KRT80: variants seen among roughly 807,000 people sequenced by gnomAD.
KRT80 encodes the protein keratin, type II cytoskeletal 80.
In KRT80, 36 loss-of-function variants were observed where a neutral mutation model predicts 51.5. The ratio of observed to expected loss-of-function variants is 0.70; its 90% CI spans 0.54 to 0.92. The LOEUF is 0.92. KRT80 is among the 40% of genes least tolerant of loss of function. The pLI is 0.00. For missense variants in KRT80, 566 were observed against 591.7 expected, an observed-to-expected ratio of 0.96 and a Z score of 0.45; for synonymous variants, 235 against 248.3, an observed-to-expected ratio of 0.95 and a Z score of 0.50.
At position 52,170,986 on chromosome 12, in the gene KRT80, G is replaced by T; in HGVS notation, c.*412C>A. ...ATGAGCCAGTCCCAGTCCCAGTTCC[G>T]AGGCAGAGACAAGGCAAGGCTTGAG... On this transcript the variant is annotated 3_prime_UTR_variant, in exon 9 of 9. Transcript: ENST00000394815. 1 of 165,010 alleles carries T rather than the reference G, an allele frequency of 6.1e-6. No individual in the cohort carries two copies. The highest frequency in any genetic ancestry group is 1.6e-4 in the South Asian group (1 of 6,080). 10.2% of individuals were successfully genotyped at this position (165,010 alleles called of 1,614,324 possible).
chr12:52,190,579 G>A (rs990574559), intron 1 of KRT80, among the ~76,000 whole-genome samples: 1 of 152,236 alleles, frequency 6.6e-6, no homozygotes, highest in African/African-American at 2.4e-5. Flanking sequence ...GGGGCTGAAG[G>A]CTGGACCTCT....
chr12:52,181,346 C>T lies in KRT80; in HGVS notation c.510-383G>A, dbSNP rs114792071. On this transcript the variant is annotated intron_variant, in intron 2 of 8. Coordinates refer to ENST00000394815, the MANE Select transcript of KRT80 (RefSeq NM_182507.3). ...TGGCAATCTCAGGTTCACTCAAGTC[C>T]GCTGGGAGCATCTTGCTCACACCTC... Among the ~76,000 whole-genome samples the T allele has an allele frequency of 3.1e-3, 477 of 152,272 alleles. 3 individuals are homozygous for T. Among genetic ancestry groups the T allele is most frequent in the African/African-American group, 0.011 (447 of 41,542 alleles).
At chr12:52,187,476 G>A (rs1941423890) in intron 1 of KRT80, among the ~76,000 whole-genome samples, 1 of 152,192 alleles carries the variant, frequency 6.6e-6, no homozygotes, top group Non-Finnish European at 1.5e-5. Flanking sequence ...GCTCCCGAAC[G>A]GTCAGGTGGG....
chr12:52,172,748 G>A (rs550500938), intron 6 of KRT80, among the ~76,000 whole-genome samples: 20 of 152,290 alleles, frequency 1.3e-4, no homozygotes, highest in Non-Finnish European at 2.1e-4. Flanking sequence ...TGTAGTTGGT[G>A]GGGGTTCCCA....
chr12:52,169,246 A>G lies in KRT80; in HGVS notation c.*2152T>C, dbSNP rs1421377262. On this transcript the variant is annotated 3_prime_UTR_variant, in exon 9 of 9. Coordinates refer to ENST00000394815, the MANE Select transcript of KRT80 (RefSeq NM_182507.3). ...AGGAGATGGTGCTGAGCCATTCATGAAGGATCCTCTCTCATGATCCAAATA... is the reference window on the plus strand; with the variant it reads ...AGGAGATGGTGCTGAGCCATTCATGGAGGATCCTCTCTCATGATCCAAATA... The G allele has an allele frequency of 6.6e-6, 1 of 152,198 alleles. No individual in the cohort carries two copies. The highest frequency in any genetic ancestry group is 2.4e-5 in the African/African-American group (1 of 41,452). The allele number at this position is 152,198 out of a possible 1,614,324, so 9.4% of individuals were successfully genotyped here.
At chr12:52,181,239 A>G (rs1283799111) in intron 2 of KRT80, among the ~76,000 whole-genome samples, 1 of 147,878 alleles carries the variant, frequency 6.8e-6, no homozygotes, top group Non-Finnish European at 1.5e-5. Context: ...CTCCACACCC[A>G]CTCCCCTCCA....
chr12:52,171,729 GGGGGGGT>G lies in KRT80; in HGVS notation c.1179-23_1179-17del. The G allele has an allele frequency of 7.1e-7, 1 of 1,416,548 alleles. No homozygotes were observed. The highest frequency in any genetic ancestry group is 9.7e-7 in the Non-Finnish European group (1 of 1,026,694). 87.7% of individuals were successfully genotyped at this position (1,416,548 alleles called of 1,614,324 possible). A position where few individuals can be genotyped will look rare whatever the true frequency, so the allele number is the denominator to read the frequency against. Reference sequence around the variant, plus strand: ...CGAGTCCATCCTGGGGGTGGGGGACGGGGGGGTGGGAGAGGGATATGATGGGATGCGA... The same window carrying G: ...CGAGTCCATCCTGGGGGTGGGGGACGGGGAGAGGGATATGATGGGATGCGA... On this transcript the variant is annotated splice_polypyrimidine_tract_variant and intron_variant, in intron 7 of 8. Transcript: ENST00000394815.
At chr12:52,181,972 G>A (rs138143238) in intron 2 of KRT80, among the ~76,000 whole-genome samples, 284 of 152,322 alleles carry the variant, frequency 1.9e-3, no homozygotes, top group African/African-American at 6.6e-3. Flanking sequence ...GCAGGGCTGC[G>A]TCACTCATCA....
rs868825399 is a variant in KRT80 at position 52,177,662 on chromosome 12, T to C, written c.666+2851A>G. ...GTGTGTGTGTGTGTGTGTGTGTGTG[T>C]GTGCATGTGTGTGTATGTACACACA... On this transcript the variant is annotated intron_variant, in intron 4 of 8. Coordinates refer to ENST00000394815, the MANE Select transcript of KRT80 (RefSeq NM_182507.3). Among the ~76,000 whole-genome samples the C allele has an allele frequency of 5.2e-5, 5 of 96,426 alleles. No homozygotes were observed. The Admixed American group carries it at 6.0e-4, about 12-fold the overall frequency. The allele number at this position is 96,426 out of a possible 152,430, so 63.3% of individuals were successfully genotyped here.
chr12:52,185,477 G>A lies in KRT80; in HGVS notation c.411C>T (p.Gly137=), dbSNP rs1421136713. The change falls in exon 2 of 9, where the codon GGC becomes GGT. Residue 137 remains glycine (G), a synonymous_variant. Coordinates refer to ENST00000394815, the MANE Select transcript of KRT80 (RefSeq NM_182507.3). The part of the protein sequence containing the change: ...DLGHLYEEYQ[G]RLQEELRKVS... Reference sequence around the variant, plus strand: ...CTTTGCGCAGTTCCTCCTGCAGCCGGCCCTGATATTCCTCATAGAGATGCC... The same window carrying A: ...CTTTGCGCAGTTCCTCCTGCAGCCGACCCTGATATTCCTCATAGAGATGCC... 6.2e-7 allele frequency: 1 copy of A among 1,613,962 alleles called. No homozygotes were observed. The highest frequency in any genetic ancestry group is 1.1e-5 in the South Asian group (1 of 91,088).
At chr12:52,176,288 A>G (rs1417576743) in intron 4 of KRT80, among the ~76,000 whole-genome samples, 1 of 152,176 alleles carries the variant, frequency 6.6e-6, no homozygotes, top group Non-Finnish European at 1.5e-5. Flanking sequence ...AGAGCACGTG[A>G]GCCTCCAAAT....
intron 1 of KRT80, among the ~76,000 whole-genome samples, chr12:52,189,987 G>T (rs939464619): frequency 6.6e-6 from 1 of 152,208 alleles, no homozygotes; most frequent in Admixed American, 6.5e-5. Flanking sequence ...CCTTCTAAGG[G>T]ATTAAACTGG....
chr12:52,170,037 G>A lies in KRT80; in HGVS notation c.*1361C>T, dbSNP rs1941057999. On this transcript the variant is annotated 3_prime_UTR_variant, in exon 9 of 9. Coordinates refer to ENST00000394815, the MANE Select transcript of KRT80 (RefSeq NM_182507.3). Reference sequence around the variant, plus strand: ...GAGGGAAGGAAGCTGTGCAGTGGGAGGCTGGTGCCGCTGGGATGCCTCTGC... The same window carrying A: ...GAGGGAAGGAAGCTGTGCAGTGGGAAGCTGGTGCCGCTGGGATGCCTCTGC... 1.3e-5 allele frequency: 2 copies of A among 152,686 alleles called. No individual in the cohort carries two copies. The highest frequency in any genetic ancestry group is 4.8e-5 in the African/African-American group (2 of 41,468). The allele number at this position is 152,686 out of a possible 1,614,324, so 9.5% of individuals were successfully genotyped here.
intron 1 of KRT80, among the ~76,000 whole-genome samples, chr12:52,186,196 G>A (rs1941401780): frequency 6.6e-6 from 1 of 151,998 alleles, no homozygotes; most frequent in Admixed American, 6.6e-5. Context: ...CACCCTGCCT[G>A]TCCTCTCTAT....
At chr12:52,184,410 G>A (rs991166509) in intron 2 of KRT80, among the ~76,000 whole-genome samples, 1 of 152,232 alleles carries the variant, frequency 6.6e-6, no homozygotes, top group South Asian at 2.1e-4. Context: ...AGCAGCCCGA[G>A]TGACCAGCCT....
chr12:52,173,013 C>T, intron 6 of KRT80, 25 bp downstream of exon 6: 2 of 1,593,710 alleles, frequency 1.3e-6, no homozygotes, highest in South Asian at 1.1e-5. Flanking sequence ...CTCCCCGCCC[C>T]CAGGCGCGTC....
chr12:52,184,611 C>T (rs1941373490), intron 2 of KRT80, among the ~76,000 whole-genome samples: 1 of 152,212 alleles, frequency 6.6e-6, no homozygotes, highest in Non-Finnish European at 1.5e-5. Context: ...TCCCGTTTCA[C>T]ACAGGAAGAA....
chr12:52,180,710 C>A, intron 3 of KRT80, 102 bp from the exon 4 acceptor site: 1 of 1,602,736 alleles, frequency 6.2e-7, no homozygotes, highest in African/African-American at 1.3e-5. Flanking sequence ...GGGGTGATTC[C>A]AGAGGAGATC....
intron 2 of KRT80, among the ~76,000 whole-genome samples, chr12:52,181,666 A>G (rs1207875844): frequency 1.3e-5 from 2 of 152,232 alleles, no homozygotes; most frequent in Non-Finnish European, 2.9e-5. Context: ...ACAAAGCTCA[A>G]TAACGCTCTT....
Sources: allele counts gnomAD v4.1 joint callset (sites outside exome capture counted in the v4.1 genomes callset), GRCh38; gene constraint gnomAD v4.1.1; transcripts MANE v1.5; gene names NCBI Gene and HGNC (gene_info 2026-07-23, HGNC 2026-07-21).